The following CACNA1E variants were observed in gnomAD, a reference collection of about 807,000 sequenced individuals.
CACNA1E encodes the protein voltage-dependent R-type calcium channel subunit alpha-1E.
In CACNA1E, 40 loss-of-function variants were observed where a neutral mutation model predicts 259.2. That is an observed-to-expected ratio of 0.15 (90% CI 0.12 to 0.20). The LOEUF (loss-of-function observed/expected upper bound fraction) is 0.20. CACNA1E is among the 10% of genes least tolerant of loss of function. The pLI is 1.00. For synonymous variants in CACNA1E, 1,104 were observed against 1,138.5 expected (o/e 0.97, Z 0.61); for missense variants, 1,874 against 3,040.1 (o/e 0.62, Z 9.02).
chr1:181,392,627 A>G (rs961050725), intron 1 of CACNA1E, among the ~76,000 whole-genome samples: 4 of 152,224 alleles, frequency 2.6e-5, no homozygotes, highest in African/African-American at 9.7e-5. Context: ...AAGATCAAGT[A>G]GTCAGTGTTC....
intron 1 of CACNA1E, among the ~76,000 whole-genome samples, chr1:181,491,366 C>A (rs1049630256): frequency 1.3e-5 from 2 of 152,234 alleles, no homozygotes; most frequent in Admixed American, 6.5e-5. Context: ...TACTACCCCC[C>A]ACTCCCAGAG....
chr1:181,467,056 G>A (rs1423134825), intron 2 of CACNA1E, among the ~76,000 whole-genome samples: 2 of 152,182 alleles, frequency 1.3e-5, no homozygotes, highest in African/African-American at 4.8e-5. Context: ...CCCCTCAGAT[G>A]GTACGTGAGT....
At chr1:181,700,705 C>T (rs906539280) in intron 7 of CACNA1E, among the ~76,000 whole-genome samples, 5 of 152,222 alleles carry the variant, frequency 3.3e-5, no homozygotes, top group African/African-American at 1.2e-4. Flanking sequence ...CTAAGATACC[C>T]TGAAGATGTG....
At chr1:181,764,782 A>AC (rs1165568774) in intron 34 of CACNA1E, among the ~76,000 whole-genome samples, 1 of 150,490 alleles carries the variant, frequency 6.6e-6, no homozygotes, top group Non-Finnish European at 1.5e-5. Flanking sequence ...TGCTTTTAAA[A>AC]CCTTTTTTTT....
At chr1:181,338,520 G>A (rs1424070901) in intron 1 of CACNA1E, among the ~76,000 whole-genome samples, 1 of 82,958 alleles carries the variant, frequency 1.2e-5, no homozygotes, top group Non-Finnish European at 2.9e-5. Context: ...TTTTTTTTGT[G>A]GCTAAGTTGT....
chr1:181,757,799 T>A, intron 30 of CACNA1E, 148 bp from the exon 31 acceptor site: 1 of 760,190 alleles, frequency 1.3e-6, no homozygotes. Context: ...TCTGTAGTTT[T>A]GTCCAAGTGA....
At chr1:181,511,588 C>T in intron 3 of CACNA1E, 78 bp downstream of exon 3, 1 of 1,530,134 alleles carries the variant, frequency 6.5e-7, no homozygotes, top group Non-Finnish European at 9.0e-7. Context: ...GGCAGGGAAC[C>T]TGGGGTGGAA....
chr1:181,519,573 C>T (rs1337914806), intron 3 of CACNA1E, among the ~76,000 whole-genome samples: 1 of 151,980 alleles, frequency 6.6e-6, no homozygotes, highest in Non-Finnish European at 1.5e-5. Flanking sequence ...CCTAACTTTC[C>T]CTTACTTATT....
At chr1:181,556,171 G>A (rs558975808) in intron 3 of CACNA1E, among the ~76,000 whole-genome samples, 9 of 152,202 alleles carry the variant, frequency 5.9e-5, no homozygotes, top group Admixed American at 2.0e-4. Context: ...CTTCAAATTC[G>A]TTATAGACTA....
intron 7 of CACNA1E, among the ~76,000 whole-genome samples, chr1:181,699,867 G>A (rs1572637621): frequency 6.6e-6 from 1 of 152,168 alleles, no homozygotes; most frequent in East Asian, 1.9e-4. Context: ...GGAGAGACTA[G>A]AGGAGGAGAA....
chr1:181,522,701 C>T (rs1328831716), intron 3 of CACNA1E, among the ~76,000 whole-genome samples: 1 of 152,180 alleles, frequency 6.6e-6, no homozygotes, highest in Non-Finnish European at 1.5e-5. Context: ...TCTACCCACT[C>T]ATTTGGAAGA....
intron 30 of CACNA1E, 109 bp from the exon 31 acceptor site, chr1:181,757,838 C>G (rs1035295643): frequency 2.5e-5 from 30 of 1,217,294 alleles, no homozygotes; most frequent in Non-Finnish European, 3.3e-5. Flanking sequence ...CTTGCCCAGC[C>G]CTGCCCTTTT....
chr1:181,372,809 A>AATAT (rs147359778), intron 1 of CACNA1E, among the ~76,000 whole-genome samples: 76 of 143,676 alleles, frequency 5.3e-4, no homozygotes, highest in East Asian at 5.2e-3. Flanking sequence ...AGGGATGTTG[A>AATAT]ATATATATAT....
At chr1:181,712,462 A>G (rs185502192) in intron 8 of CACNA1E, among the ~76,000 whole-genome samples, 1 of 152,252 alleles carries the variant, frequency 6.6e-6, no homozygotes, top group African/African-American at 2.4e-5. Flanking sequence ...CTTTGGAATG[A>G]CACTATAACA....
chr1:181,423,662 A>ATTTTTTTTTTTTTTTT lies in CACNA1E; in HGVS notation c.434+10083_434+10098dup, dbSNP rs11302089. Among the ~76,000 whole-genome samples, 654 of 130,772 alleles carry ATTTTTTTTTTTTTTTT rather than the reference A, an allele frequency of 5.0e-3. 11 individuals are homozygous for ATTTTTTTTTTTTTTTT. Among genetic ancestry groups the ATTTTTTTTTTTTTTTT allele is most frequent in the African/African-American group, 7.4e-3 (244 of 32,786 alleles). 85.8% of individuals were successfully genotyped at this position (130,772 alleles called of 152,430 possible). ...GGTGAATTTAAGGGCCATTGGGCCA[A>ATTTTTTTTTTTTTTTT]TTTTTTTTTTTTTTTTGCTGGCCTT... On this transcript the variant is annotated intron_variant, in intron 2 of 11. Coordinates refer to the CACNA1E transcript ENST00000524607.
intron 7 of CACNA1E, among the ~76,000 whole-genome samples, chr1:181,683,989 T>C (rs1650256720): frequency 6.6e-6 from 1 of 152,172 alleles, no homozygotes; most frequent in Non-Finnish European, 1.5e-5. Context: ...AGGGGAAATA[T>C]GACAATGACT....
At chr1:181,335,846 C>T (rs1209974824) in intron 1 of CACNA1E, among the ~76,000 whole-genome samples, 1 of 152,214 alleles carries the variant, frequency 6.6e-6, no homozygotes, top group Non-Finnish European at 1.5e-5. Flanking sequence ...ACCCTGGAGC[C>T]TTTCCGCAGC....
chr1:181,428,195 C>T (rs1659446277), intron 2 of CACNA1E, among the ~76,000 whole-genome samples: 1 of 152,228 alleles, frequency 6.6e-6, no homozygotes, highest in Admixed American at 6.5e-5. Flanking sequence ...TCCTCAGCAT[C>T]TCAGCCTCAA....
chr1:181,632,000 GA>G (rs2101948130), intron 6 of CACNA1E, among the ~76,000 whole-genome samples: 1 of 152,332 alleles, frequency 6.6e-6, no homozygotes, highest in East Asian at 1.9e-4. Flanking sequence ...AAGTGCAGGA[GA>G]TGGTATCAAC....
Sources: allele counts gnomAD v4.1 joint callset (sites outside exome capture counted in the v4.1 genomes callset), GRCh38; gene constraint gnomAD v4.1.1; transcripts MANE v1.5; gene names NCBI Gene and HGNC (gene_info 2026-07-23, HGNC 2026-07-21).